The following CADM1 variants were observed in gnomAD, a reference collection of about 807,000 sequenced individuals.
CADM1 encodes cell adhesion molecule 1.
A neutral mutation model predicts 53.1 loss-of-function variants in CADM1; 15 were observed. That is an observed-to-expected ratio of 0.28 (90% CI 0.19 to 0.44). The LOEUF (loss-of-function observed/expected upper bound fraction) is 0.44, where lower values mean the gene tolerates loss of function less well. CADM1 is among the 20% of genes least tolerant of loss of function. The probability of loss-of-function intolerance (pLI) is 1.00; values close to 1 mark genes in which losing one functional copy is unlikely to be tolerated. For synonymous variants in CADM1, 281 were observed against 243.0 expected (o/e 1.16, Z -1.45); for missense variants, 434 against 611.3 (o/e 0.71, Z 3.06).
chr11:115,232,709 G>A (rs1252525056), intron 3 of CADM1, among the ~76,000 whole-genome samples: 1 of 152,114 alleles, frequency 6.6e-6, no homozygotes, highest in East Asian at 1.9e-4. Context: ...AAACTGAGTT[G>A]ACAGTAAAAT....
chr11:115,438,061 T>G (rs1393083477), intron 1 of CADM1, among the ~76,000 whole-genome samples: 1 of 152,182 alleles, frequency 6.6e-6, no homozygotes, highest in Non-Finnish European at 1.5e-5. Flanking sequence ...TCAGTGGGAT[T>G]TGAAAGCACA....
intron 1 of CADM1, among the ~76,000 whole-genome samples, chr11:115,467,440 C>T (rs1205122595): frequency 6.6e-6 from 1 of 152,172 alleles, no homozygotes; most frequent in African/African-American, 2.4e-5. Context: ...ATTAAAGTAC[C>T]AGAACCAGTA....
chr11:115,232,085 C>T (rs542167223), intron 3 of CADM1, among the ~76,000 whole-genome samples: 2 of 152,242 alleles, frequency 1.3e-5, no homozygotes, highest in East Asian at 1.9e-4. Context: ...AGATATTAGT[C>T]ACCAGTCATT....
At chr11:115,209,833 T>C (rs1940870125) in intron 7 of CADM1, among the ~76,000 whole-genome samples, 176 bp from the exon 8 acceptor site, 1 of 152,124 alleles carries the variant, frequency 6.6e-6, no homozygotes, top group Non-Finnish European at 1.5e-5. Flanking sequence ...AAAGCCTTAG[T>C]TGGAAGAGCT....
intron 1 of CADM1, among the ~76,000 whole-genome samples, chr11:115,349,867 G>C (rs138342457): frequency 6.6e-6 from 1 of 151,720 alleles, no homozygotes; most frequent in Non-Finnish European, 1.5e-5. Context: ...TGGAACTGTC[G>C]GGGAGGTAGT....
intron 1 of CADM1, among the ~76,000 whole-genome samples, chr11:115,394,348 A>G (rs944620134): frequency 2.0e-5 from 3 of 152,230 alleles, no homozygotes; most frequent in African/African-American, 4.8e-5. Flanking sequence ...TCTTAAGGCT[A>G]AACATCAGAA....
chr11:115,444,615 T>C (rs1948407779), intron 1 of CADM1, among the ~76,000 whole-genome samples: 1 of 152,208 alleles, frequency 6.6e-6, no homozygotes, highest in Admixed American at 6.5e-5. Context: ...GTTCCATAGT[T>C]CTCTGTTCTG....
At chr11:115,442,980 C>T (rs1046282505) in intron 1 of CADM1, among the ~76,000 whole-genome samples, 2 of 152,178 alleles carry the variant, frequency 1.3e-5, no homozygotes, top group Non-Finnish European at 2.9e-5. Context: ...TAAGTAGATA[C>T]AAGAGGGTAT....
chr11:115,224,754 C>T (rs1463346881), intron 5 of CADM1, among the ~76,000 whole-genome samples: 1 of 152,158 alleles, frequency 6.6e-6, no homozygotes, highest in African/African-American at 2.4e-5. Context: ...CACCTTGATG[C>T]TATTTAGACA....
intron 1 of CADM1, among the ~76,000 whole-genome samples, chr11:115,255,939 T>C (rs1281771540): frequency 6.6e-6 from 1 of 152,204 alleles, no homozygotes; most frequent in Non-Finnish European, 1.5e-5. Context: ...TGCACTTAAT[T>C]GCAAAAATGA....
At chr11:115,452,535 T>C (rs1948596570) in intron 1 of CADM1, among the ~76,000 whole-genome samples, 1 of 152,214 alleles carries the variant, frequency 6.6e-6, no homozygotes, top group Non-Finnish European at 1.5e-5. Flanking sequence ...TGAAATGTCA[T>C]TCGGACCAGA....
intron 1 of CADM1, among the ~76,000 whole-genome samples, chr11:115,273,432 A>G (rs554307440): frequency 6.6e-6 from 1 of 152,352 alleles, no homozygotes; most frequent in East Asian, 1.9e-4. Flanking sequence ...GAAATGAGAA[A>G]CAAGAAGTCA....
At chr11:115,328,040 G>A (rs1309651806) in intron 1 of CADM1, among the ~76,000 whole-genome samples, 3 of 151,926 alleles carry the variant, frequency 2.0e-5, no homozygotes, top group South Asian at 2.1e-4. Flanking sequence ...GTTTCTCTGG[G>A]TTTTGAGAGA....
chr11:115,389,266 T>A (rs1216820599), intron 1 of CADM1, among the ~76,000 whole-genome samples: 2 of 152,102 alleles, frequency 1.3e-5, no homozygotes, highest in African/African-American at 4.8e-5. Flanking sequence ...TTTCAGTAAG[T>A]TTGAAACGAT....
chr11:115,253,246 C>T lies in CADM1; in HGVS notation c.125-12826G>A, dbSNP rs1025172661. On this transcript the variant is annotated intron_variant, in intron 1 of 11. Coordinates refer to ENST00000331581, the MANE Select transcript of CADM1 (RefSeq NM_001301043.2). ...ACAGTCTTAGCCTGTTCGGCTTGCA[C>T]GTGTCCTCTGCTGTTTCCCTCGAAT... 6.6e-5 allele frequency among the ~76,000 whole-genome samples: 10 copies of T among 152,340 alleles called. No homozygotes were observed. The East Asian group carries it at 1.5e-3, about 24-fold the overall frequency.
rs534714604 is a variant in CADM1, at chr11:115,467,721, A to G, written c.124+36550T>C. Among the ~76,000 whole-genome samples, 15 of 152,354 alleles carry G rather than the reference A, an allele frequency of 9.8e-5. 1 individual carries two copies. Among genetic ancestry groups the G allele is most frequent in the African/African-American group, 3.6e-4 (15 of 41,594 alleles). On this transcript the variant is annotated intron_variant, in intron 1 of 11. Coordinates refer to ENST00000331581, the MANE Select transcript of CADM1 (RefSeq NM_001301043.2). Reference sequence around the variant, plus strand: ...AAAATTGTCTCAAAGGAGAAAAGAAATCTACAATACTCTCATCCTATTCTG... The same window carrying G: ...AAAATTGTCTCAAAGGAGAAAAGAAGTCTACAATACTCTCATCCTATTCTG...
At chr11:115,422,581 C>A (rs1228295101) in intron 1 of CADM1, among the ~76,000 whole-genome samples, 1 of 152,186 alleles carries the variant, frequency 6.6e-6, no homozygotes, top group Non-Finnish European at 1.5e-5. Flanking sequence ...GTTGTAGAAG[C>A]TGAACACATC....
At chr11:115,395,048 T>G (rs1328166980) in intron 1 of CADM1, among the ~76,000 whole-genome samples, 1 of 152,194 alleles carries the variant, frequency 6.6e-6, no homozygotes, top group Non-Finnish European at 1.5e-5. Context: ...ATATTTAGAC[T>G]TGCCTTTGAT....
intron 1 of CADM1, among the ~76,000 whole-genome samples, chr11:115,450,072 CA>C (rs1490137364): frequency 6.6e-6 from 1 of 152,066 alleles, no homozygotes; most frequent in Admixed American, 6.6e-5. Context: ...AAGCTGCTTT[CA>C]CCCCTCCCTA....
Sources: allele counts gnomAD v4.1 joint callset (sites outside exome capture counted in the v4.1 genomes callset), GRCh38; gene constraint gnomAD v4.1.1; transcripts MANE v1.5; gene names NCBI Gene and HGNC (gene_info 2026-07-23, HGNC 2026-07-21).